RABL6: variants seen among roughly 807,000 people sequenced by gnomAD.
RABL6 encodes the protein rab-like protein 6.
Under a neutral mutation model 72.9 loss-of-function variants are expected in RABL6, and 28 were observed. That is an observed-to-expected ratio of 0.38 (90% CI 0.28 to 0.53). RABL6 has a LOEUF of 0.53. Among genes scored for constraint, RABL6 ranks in the 20% least tolerant of loss-of-function variants. The pLI is 0.80. For missense variants in RABL6, 1,029 were observed against 1,008.4 expected, an observed-to-expected ratio of 1.02 and a Z score of -0.28; for synonymous variants, 477 against 421.2, an observed-to-expected ratio of 1.13 and a Z score of -1.62.
In RABL6 at chr9:136,839,126, G is replaced by C; in HGVS notation, c.1493+5G>C. ...CTCAGAGCCAGAGACCAAGTGGTAA[G>C]GGCAGGTGTCCCCACGGGTGCGGCC... is the stretch of plus-strand genomic sequence containing the variant. On this transcript the variant is annotated splice_donor_5th_base_variant and intron_variant, in intron 11 of 14. Coordinates refer to ENST00000311502, the MANE Select transcript of RABL6 (RefSeq NM_024718.5). 1 of 1,611,860 alleles carries C rather than the reference G, an allele frequency of 6.2e-7. No homozygotes were observed. The highest frequency in any genetic ancestry group is 8.5e-7 in the Non-Finnish European group (1 of 1,179,484).
chr9:136,811,015 A>G (rs896489138), intron 1 of RABL6, among the ~76,000 whole-genome samples: 20 of 152,312 alleles, frequency 1.3e-4, no homozygotes, highest in Non-Finnish European at 2.8e-4. Flanking sequence ...GTCCCGGTAG[A>G]CGTGTGGGAC....
chr9:136,820,559 C>T (rs948303346), intron 1 of RABL6, among the ~76,000 whole-genome samples: 1 of 152,022 alleles, frequency 6.6e-6, no homozygotes. Flanking sequence ...TTAGTAGATA[C>T]GGGGTTTCTC....
intron 2 of RABL6, among the ~76,000 whole-genome samples, chr9:136,824,742 C>G (rs1330706206): frequency 6.6e-6 from 1 of 151,696 alleles, no homozygotes; most frequent in Non-Finnish European, 1.5e-5. Flanking sequence ...GACACTTGGA[C>G]TGCTGTGCAG....
In RABL6 at chr9:136,840,166, A is replaced by G. The variant is rs1000842532; in HGVS notation, c.1943A>G (p.Lys648Arg). 5 of 1,612,940 alleles carry G rather than the reference A, an allele frequency of 3.1e-6. No homozygotes were observed. In the East Asian group the frequency reaches 1.1e-4, roughly 36 times the overall value. The change falls in exon 14 of 15, where the codon AAA (lysine) becomes AGA (arginine). Residue 648 changes from lysine to arginine, a missense_variant. Physicochemically the swap from Lys to Arg is conservative, Grantham distance 26. Coordinates refer to ENST00000311502, the MANE Select transcript of RABL6 (RefSeq NM_024718.5). ...CCTGTCTGTGCAGGTAAGGAGGGCAAAACCCCCTCTAAGGAGAAGAAGAAG... is the reference window on the plus strand; with the variant it reads ...CCTGTCTGTGCAGGTAAGGAGGGCAGAACCCCCTCTAAGGAGAAGAAGAAG... Reference protein sequence around the residue: ...KESSEEGKEGKTPSKEKKKKK... With the variant: ...KESSEEGKEGRTPSKEKKKKK...
At chr9:136,821,613 C>T (rs1413467473) in intron 1 of RABL6, 4 of 987,292 alleles carry the variant, frequency 4.1e-6, no homozygotes, top group Non-Finnish European at 4.8e-6. Context: ...CGCCCGGGTT[C>T]CTGCCTCGGG....
At chr9:136,818,379 A>AC (rs1848165598) in intron 1 of RABL6, among the ~76,000 whole-genome samples, 9 of 77,114 alleles carry the variant, frequency 1.2e-4, no homozygotes, top group Non-Finnish European at 2.3e-4. Context: ...AAAAAAAAAA[A>AC]AAAAAAAAAA....
Position 136,808,235 on chromosome 9 carries a change from G to C in RABL6, c.39G>C (p.Gln13His), listed in dbSNP as rs1847910711. 1 of 1,562,912 alleles carries C rather than the reference G, an allele frequency of 6.4e-7. No individual in the cohort carries two copies. The change falls in exon 1 of 15, where the codon CAG becomes CAC. Residue 13 changes from glutamine (Q) to histidine (H), a missense_variant. Around this residue, in one of 2 missense-constraint regions of RABL6, gnomAD observed 434 missense variants for 536.1 expected, o/e 0.81. Coordinates refer to ENST00000311502, the MANE Select transcript of RABL6 (RefSeq NM_024718.5). Reference protein sequence around the residue: ...SALKKLVGSDQAPGRDKNIPA... With the variant: ...SALKKLVGSDHAPGRDKNIPA... ...TGAAGAAGCTGGTGGGGTCGGACCA[G>C]GCCCCGGGCCGGGACAAGAACATCC...
Position 136,829,575 on chromosome 9 carries a change from CAGCATCGTTCTGCAGGACCG to C in RABL6, c.458+94_458+113del, listed in dbSNP as rs1457251819. 14 of 1,161,700 alleles carry C rather than the reference CAGCATCGTTCTGCAGGACCG, an allele frequency of 1.2e-5. No individual in the cohort carries two copies. In the African/African-American group the frequency reaches 1.5e-4, roughly 13 times the overall value. The allele number at this position is 1,161,700 out of a possible 1,614,324, so 72.0% of individuals were successfully genotyped here. On this transcript the variant is annotated intron_variant, in intron 5 of 14. Coordinates refer to ENST00000311502, the MANE Select transcript of RABL6 (RefSeq NM_024718.5). The stretch of plus-strand genomic sequence containing the variant: ...TTTGTGCAGCAGATAATGGTTAGAG[CAGCATCGTTCTGCAGGACCG>C]AGGGACTCTTGCTGGGCAGCTGTGG...
intron 1 of RABL6, among the ~76,000 whole-genome samples, chr9:136,817,935 G>T (rs1265997103): frequency 1.3e-5 from 2 of 151,734 alleles, no homozygotes; most frequent in East Asian, 1.9e-4. Context: ...GAGGGCAGGC[G>T]CCTGTAATCC....
chr9:136,821,654 C>G (rs1323238207), intron 1 of RABL6: 3 of 989,596 alleles, frequency 3.0e-6, no homozygotes, highest in Non-Finnish European at 3.6e-6. Flanking sequence ...CGGCCCGTCT[C>G]GGGCCTCCCG....
Position 136,823,242 on chromosome 9 carries a change from C to T in RABL6, c.131-283C>T, listed in dbSNP as rs368218222. 2.0e-5 allele frequency among the ~76,000 whole-genome samples: 3 copies of T among 152,166 alleles called. No individual in the cohort carries two copies. In the East Asian group the frequency reaches 5.8e-4, roughly 29 times the overall value. On this transcript the variant is annotated intron_variant, in intron 1 of 14. Transcript: ENST00000311502. ...GGTGGGCTCTAGGGCAGAACCACGT[C>T]CTCCAAGTAGAAAGCCTGACCTGGC...
chr9:136,833,484 C>T (rs533992571), intron 7 of RABL6: 94 of 568,038 alleles, frequency 1.7e-4, no homozygotes, highest in African/African-American at 1.3e-3. Context: ...TGGGCTGCCC[C>T]GCCTGGGTCT....
chr9:136,834,120 C>A (rs574194632), intron 7 of RABL6: 39 of 1,313,216 alleles, frequency 3.0e-5, no homozygotes, highest in Non-Finnish European at 3.5e-5. Flanking sequence ...GCAGCGGGAC[C>A]CCTGTTTCCT....
At chr9:136,823,337 G>C (rs1029659761) in intron 1 of RABL6, among the ~76,000 whole-genome samples, 188 bp from the exon 2 acceptor site, 1 of 152,148 alleles carries the variant, frequency 6.6e-6, no homozygotes, top group African/African-American at 2.4e-5. Context: ...GTGTCCTCCT[G>C]ATGGGAGAGG....
intron 7 of RABL6, among the ~76,000 whole-genome samples, chr9:136,834,769 C>G (rs1202724416): frequency 6.6e-6 from 1 of 152,046 alleles, no homozygotes; most frequent in Non-Finnish European, 1.5e-5. Flanking sequence ...TGAGCCACCA[C>G]GCCCAGCCTC....
chr9:136,823,036 C>T lies in RABL6; in HGVS notation c.131-489C>T, dbSNP rs150757357. On this transcript the variant is annotated intron_variant, in intron 1 of 14. Transcript: ENST00000311502. ...CCGGGAGGTGGAGCTTGCAGTGAGC[C>T]GAGATAGCACCACTGCAGTACGGCC... is the stretch of plus-strand genomic sequence containing the variant. Among the ~76,000 whole-genome samples, 311 of 150,662 alleles carry T rather than the reference C, an allele frequency of 2.1e-3. 1 individual carries two copies. The highest frequency in any genetic ancestry group is 7.1e-3 in the African/African-American group (291 of 40,842).
rs528374915 is a variant in RABL6 at position 136,831,378 on chromosome 9, C to T, written c.459-343C>T. Among the ~76,000 whole-genome samples the T allele has an allele frequency of 2.4e-4, 37 of 152,210 alleles. 1 individual carries two copies. The highest frequency in any genetic ancestry group is 2.1e-3 in the South Asian group (10 of 4,810). Reference sequence around the variant, plus strand: ...ACACCAAGGGGCACAGAGGACAGTGCGGAATGAGGGTGGACACAGATGAAG... The same window carrying T: ...ACACCAAGGGGCACAGAGGACAGTGTGGAATGAGGGTGGACACAGATGAAG... On this transcript the variant is annotated intron_variant, in intron 5 of 14. Transcript: ENST00000311502.
In RABL6 at chr9:136,828,855, C is replaced by G. The variant is rs117883243; in HGVS notation, c.366+309C>G. ...TCGGTGGGCTCGGCCCTTCAAAGCACAGGACACATCTCGCAGCGCCATGGG... is the reference window on the plus strand; with the variant it reads ...TCGGTGGGCTCGGCCCTTCAAAGCAGAGGACACATCTCGCAGCGCCATGGG... On this transcript the variant is annotated intron_variant, in intron 4 of 14. Transcript: ENST00000311502. 5.7e-3 allele frequency among the ~76,000 whole-genome samples: 854 copies of G among 149,412 alleles called. 2 individuals carry two copies. Among genetic ancestry groups the G allele is most frequent in the Non-Finnish European group, 9.7e-3 (650 of 66,988 alleles).
Position 136,840,776 on chromosome 9 carries a change from T to C in RABL6, c.*254T>C, listed in dbSNP as rs1205287773. The C allele has an allele frequency of 1.3e-6, 2 of 1,547,852 alleles. No homozygotes were observed. The highest frequency in any genetic ancestry group is 3.9e-5 in the Admixed American group (2 of 50,984). On this transcript the variant is annotated 3_prime_UTR_variant, in exon 15 of 15. Coordinates refer to ENST00000311502, the MANE Select transcript of RABL6 (RefSeq NM_024718.5). ...CCAGGCTCGGTGGACACCCTGGCCCTCTCGGGGCAGAGCCGCCAGTGTTTC... is the reference window on the plus strand; with the variant it reads ...CCAGGCTCGGTGGACACCCTGGCCCCCTCGGGGCAGAGCCGCCAGTGTTTC...
Sources: allele counts gnomAD v4.1 joint callset (sites outside exome capture counted in the v4.1 genomes callset), GRCh38; gene constraint gnomAD v4.1.1; regional missense constraint gnomAD v4.1.1; transcripts MANE v1.5; gene names NCBI Gene and HGNC (gene_info 2026-07-23, HGNC 2026-07-21).